The following THSD7A variants were observed in gnomAD, a reference collection of about 807,000 sequenced individuals.
THSD7A encodes thrombospondin type-1 domain-containing protein 7A.
In THSD7A, 96 loss-of-function variants were observed where a neutral mutation model predicts 231.3. The ratio of observed to expected loss-of-function variants is 0.41; its 90% CI spans 0.35 to 0.49. THSD7A has a LOEUF of 0.49. Ranked by LOEUF, THSD7A falls within the 20% of genes least tolerant of loss-of-function variation. The pLI is 0.05. For synonymous variants in THSD7A, 940 were observed against 743.3 expected, an observed-to-expected ratio of 1.26 and a Z score of -4.30; for missense variants, 2,290 against 2,070.2, an observed-to-expected ratio of 1.11 and a Z score of -2.06.
At chr7:11,520,735 A>G (rs1023525) in intron 6 of THSD7A, among the ~76,000 whole-genome samples, 26,974 of 152,184 alleles carry the variant, frequency 0.18, 2,500 homozygotes, top group Middle Eastern at 0.24. Context: ...TCCAGCTTTC[A>G]TTTATGAAGG....
intron 26 of THSD7A, 80 bp downstream of exon 26, chr7:11,378,990 C>T: frequency 1.5e-6 from 2 of 1,353,908 alleles, no homozygotes; most frequent in South Asian, 1.3e-5. Context: ...TATAAAAATG[C>T]TTTGCTCACT....
At chr7:11,629,114 C>G (rs904591939) in intron 2 of THSD7A, among the ~76,000 whole-genome samples, 1 of 152,170 alleles carries the variant, frequency 6.6e-6, no homozygotes, top group Admixed American at 6.5e-5. Context: ...GGAATAGTCT[C>G]TCTTCCCACC....
At chr7:11,427,915 C>G (rs574668944) in intron 14 of THSD7A, among the ~76,000 whole-genome samples, 1 of 152,246 alleles carries the variant, frequency 6.6e-6, no homozygotes, top group Non-Finnish European at 1.5e-5. Context: ...AAGATAAAAT[C>G]AGCAACTTCA....
At chr7:11,466,575 A>C (rs1785714738) in intron 9 of THSD7A, among the ~76,000 whole-genome samples, 1 of 152,020 alleles carries the variant, frequency 6.6e-6, no homozygotes, top group South Asian at 2.1e-4. Context: ...CAAATACCCA[A>C]CTGAGGTGAT....
intron 2 of THSD7A, among the ~76,000 whole-genome samples, chr7:11,626,229 G>A (rs539657230): frequency 2.6e-5 from 4 of 151,932 alleles, no homozygotes; most frequent in South Asian, 2.1e-4. Context: ...TTCCTAAGAC[G>A]GTAGGTCTTA....
Position 11,515,982 on chromosome 7 carries a change from T to C in THSD7A, c.1822+25437A>G, listed in dbSNP as rs143850320. Among the ~76,000 whole-genome samples, 681 of 152,296 alleles carry C rather than the reference T, an allele frequency of 4.5e-3. 7 individuals are homozygous for C. The highest frequency in any genetic ancestry group is 0.012 in the Admixed American group (179 of 15,292). On this transcript the variant is annotated intron_variant, in intron 6 of 27. Coordinates refer to ENST00000423059, the MANE Select transcript of THSD7A (RefSeq NM_015204.3). ...TGATTTAAAGTATACTGTGAATGAA[T>C]AAATAGTGAATGAAACATGTTTAAA...
At chr7:11,517,320 C>T (rs551378662) in intron 6 of THSD7A, among the ~76,000 whole-genome samples, 7 of 152,116 alleles carry the variant, frequency 4.6e-5, no homozygotes, top group African/African-American at 1.4e-4. Flanking sequence ...CCTCGTGATC[C>T]GCCCACCTCG....
At chr7:11,672,419 T>A (rs921020828) in intron 1 of THSD7A, among the ~76,000 whole-genome samples, 1 of 152,192 alleles carries the variant, frequency 6.6e-6, no homozygotes, top group African/African-American at 2.4e-5. Flanking sequence ...TTTCACTCTA[T>A]ATTTAAAACT....
chr7:11,399,932 C>G (rs1783335774), intron 23 of THSD7A, among the ~76,000 whole-genome samples: 1 of 151,992 alleles, frequency 6.6e-6, no homozygotes, highest in South Asian at 2.1e-4. Flanking sequence ...CAATGATAGA[C>G]TGGATTAAGA....
At chr7:11,820,896 G>A (rs1422869755) in intron 1 of THSD7A, 11 of 889,484 alleles carry the variant, frequency 1.2e-5, no homozygotes, top group Non-Finnish European at 1.8e-5. Context: ...GGAGTCTCGG[G>A]AATTCACTGA....
intron 11 of THSD7A, among the ~76,000 whole-genome samples, chr7:11,459,808 A>T (rs1316839947): frequency 6.6e-6 from 1 of 151,378 alleles, no homozygotes; most frequent in Non-Finnish European, 1.5e-5. Flanking sequence ...CTACATCTTC[A>T]AATTTTTGTG....
chr7:11,644,991 G>A (rs1186334322), intron 1 of THSD7A, among the ~76,000 whole-genome samples: 2 of 151,942 alleles, frequency 1.3e-5, no homozygotes, highest in Non-Finnish European at 2.9e-5. Flanking sequence ...CCACTAAAGT[G>A]AAAGCCTGAG....
intron 7 of THSD7A, among the ~76,000 whole-genome samples, chr7:11,477,887 A>G (rs74363934): frequency 6.6e-6 from 1 of 152,192 alleles, no homozygotes; most frequent in East Asian, 1.9e-4. Context: ...GTCTATATGT[A>G]TATAATATGT....
chr7:11,530,349 T>C (rs1034001491), intron 6 of THSD7A, among the ~76,000 whole-genome samples: 1 of 152,084 alleles, frequency 6.6e-6, no homozygotes, highest in East Asian at 1.9e-4. Context: ...GTGAGGGCAA[T>C]AATAAAAGTT....
At chr7:11,824,508 T>C (rs147359351) in intron 1 of THSD7A, among the ~76,000 whole-genome samples, 184 of 152,248 alleles carry the variant, frequency 1.2e-3, no homozygotes, top group African/African-American at 4.3e-3. Flanking sequence ...CCTATTGTAC[T>C]CTTAATCTCA....
chr7:11,461,869 T>C (rs537186155), intron 10 of THSD7A, 142 bp downstream of exon 10: 1 of 1,052,366 alleles, frequency 9.5e-7, no homozygotes, highest in Non-Finnish European at 1.4e-6. Context: ...GAGACAAGAA[T>C]GGCAGCTACA....
intron 19 of THSD7A, among the ~76,000 whole-genome samples, chr7:11,407,863 G>A (rs1244428176): frequency 1.3e-5 from 2 of 151,920 alleles, no homozygotes; most frequent in African/African-American, 4.8e-5. Flanking sequence ...AAAAGGAAAA[G>A]GTTCTAAACA....
At chr7:11,741,598 C>A (rs1439263829) in intron 1 of THSD7A, among the ~76,000 whole-genome samples, 1 of 151,752 alleles carries the variant, frequency 6.6e-6, no homozygotes, top group Non-Finnish European at 1.5e-5. Flanking sequence ...GAAACTTAAG[C>A]ATTGTTTTCA....
chr7:11,453,789 G>A (rs1785219085), intron 11 of THSD7A, among the ~76,000 whole-genome samples: 1 of 151,976 alleles, frequency 6.6e-6, no homozygotes. Context: ...ACACTGGAAT[G>A]ATACACATTG....
Sources: gnomAD v4.1 joint callset for allele counts (sites outside exome capture counted in the v4.1 genomes callset) on GRCh38, gnomAD v4.1.1 for gene constraint, MANE v1.5 for transcripts, NCBI Gene and HGNC (gene_info 2026-07-23, HGNC 2026-07-21) for gene names.